The following EXPH5 variants were observed in gnomAD, a reference collection of about 807,000 sequenced individuals.
The protein encoded by EXPH5 is exophilin 5.
A neutral mutation model predicts 41.1 loss-of-function variants in EXPH5; 42 were observed. The observed-to-expected ratio is 1.02, with a 90% CI of 0.80 to 1.32. The LOEUF (loss-of-function observed/expected upper bound fraction) is 1.32, where lower values mean the gene tolerates loss of function less well. Among genes scored for constraint, EXPH5 ranks in the 40% most tolerant of loss-of-function variants. The pLI is 0.00. For synonymous variants in EXPH5, 798 were observed against 833.5 expected, an observed-to-expected ratio of 0.96 and a Z score of 0.73; for missense variants, 2,298 against 2,314.5, an observed-to-expected ratio of 0.99 and a Z score of 0.15.
At chr11:108,533,495 G>A (rs544716123) in intron 3 of EXPH5, among the ~76,000 whole-genome samples, 6 of 152,092 alleles carry the variant, frequency 3.9e-5, no homozygotes, top group African/African-American at 1.4e-4. Context: ...GAGCCACCTC[G>A]CCCGGCCTAC....
intron 4 of EXPH5, among the ~76,000 whole-genome samples, chr11:108,523,381 C>T (rs2093777667): frequency 2.0e-5 from 3 of 152,250 alleles, no homozygotes; most frequent in East Asian, 1.9e-4. Context: ...TACTCATACT[C>T]ATATGATCTG....
chr11:108,514,560 A>T lies in EXPH5; in HGVS notation c.947T>A (p.Phe316Tyr). The T allele has an allele frequency of 6.2e-7, 1 of 1,614,064 alleles. No individual in the cohort carries two copies. The highest frequency in any genetic ancestry group is 8.5e-7 in the Non-Finnish European group (1 of 1,179,982). The stretch of plus-strand genomic sequence containing the variant: ...GTCAAAACACAGCGAAGTACTGCCA[A>T]AAGTATTCTTTTGCACATAATCTTC... Reference protein sequence around the residue: ...FKEDYVQKNTFGSTSLCFDSR... With the variant: ...FKEDYVQKNTYGSTSLCFDSR... The change falls in exon 6 of 6, where the codon TTT becomes TAT. Residue 316 changes from phenylalanine (F) to tyrosine (Y), a missense_variant. By Grantham distance (22) the Phe-to-Tyr change is conservative. Coordinates refer to ENST00000265843, the MANE Select transcript of EXPH5 (RefSeq NM_015065.3).
At chr11:108,516,271 G>A (rs2093726418) in intron 5 of EXPH5, among the ~76,000 whole-genome samples, 1 of 152,024 alleles carries the variant, frequency 6.6e-6, no homozygotes, top group Admixed American at 6.6e-5. Context: ...GCCCCCTTAC[G>A]ATAACTGAAG....
intron 1 of EXPH5, among the ~76,000 whole-genome samples, chr11:108,571,608 G>A (rs908837492): frequency 6.6e-6 from 1 of 152,132 alleles, no homozygotes; most frequent in African/African-American, 2.4e-5. Context: ...AATGCTGAAG[G>A]GGAGCTCCCA....
intron 2 of EXPH5, among the ~76,000 whole-genome samples, chr11:108,541,220 A>T (rs140639305): frequency 6.6e-6 from 1 of 152,124 alleles, no homozygotes; most frequent in African/African-American, 2.4e-5. Context: ...AGCTTAATAC[A>T]TTATAAACAT....
At chr11:108,570,731 G>C (rs962209708) in intron 1 of EXPH5, among the ~76,000 whole-genome samples, 1 of 152,126 alleles carries the variant, frequency 6.6e-6, no homozygotes, top group Non-Finnish European at 1.5e-5. Context: ...ATTCTGCAGA[G>C]ATGGGGGTCT....
In EXPH5 at chr11:108,507,019, A is replaced by G. The variant is rs1950607608; in HGVS notation, c.*2518T>C. On this transcript the variant is annotated 3_prime_UTR_variant, in exon 6 of 6. Coordinates refer to ENST00000265843, the MANE Select transcript of EXPH5 (RefSeq NM_015065.3). Reference sequence around the variant, plus strand: ...GAAAATAATAATAATAATAATAATAATCAGATAAATAGAAAAAGAGGAAAG... The same window carrying G: ...GAAAATAATAATAATAATAATAATAGTCAGATAAATAGAAAAAGAGGAAAG... The G allele has an allele frequency of 6.6e-6, 1 of 151,734 alleles. No homozygotes were observed. Among genetic ancestry groups the G allele is most frequent in the Non-Finnish European group, 1.5e-5 (1 of 68,004 alleles). 9.4% of individuals were successfully genotyped at this position (151,734 alleles called of 1,614,324 possible). A position where few individuals can be genotyped will look rare whatever the true frequency, so the allele number is the denominator to read the frequency against.
intron 1 of EXPH5, among the ~76,000 whole-genome samples, chr11:108,566,381 A>T (rs1438142102): frequency 6.6e-6 from 1 of 152,070 alleles, no homozygotes; most frequent in African/African-American, 2.4e-5. Flanking sequence ...AAATGGGTGA[A>T]GGCTTTCATA....
At chr11:108,562,439 C>T (rs903878850) in intron 1 of EXPH5, among the ~76,000 whole-genome samples, 1 of 150,346 alleles carries the variant, frequency 6.7e-6, no homozygotes, top group Non-Finnish European at 1.5e-5. Context: ...TAAACAACAA[C>T]AAAAAAAAAG....
rs1436807760 is a variant in EXPH5 at position 108,513,493 on chromosome 11, C to T, written c.2014G>A (p.Val672Ile). 6.2e-7 allele frequency: 1 copy of T among 1,614,096 alleles called. No homozygotes were observed. ...ASHPMRSHTE[V>I]TVTSSNSVDS... Reference sequence around the variant, plus strand: ...ACTGAATTGCTGCTGGTCACAGTGACTTCTGTATGGCTTCTCATTGGATGA... The same window carrying T: ...ACTGAATTGCTGCTGGTCACAGTGATTTCTGTATGGCTTCTCATTGGATGA... The change falls in exon 6 of 6, where the codon GTC becomes ATC. Residue 672 changes from valine to isoleucine, a missense_variant. Transcript: ENST00000265843.
At chr11:108,572,709 C>T (rs913499184) in intron 1 of EXPH5, among the ~76,000 whole-genome samples, 2 of 152,034 alleles carry the variant, frequency 1.3e-5, no homozygotes, top group African/African-American at 2.4e-5. Flanking sequence ...CAGGCACCTG[C>T]CACCATGCCC....
intron 1 of EXPH5, among the ~76,000 whole-genome samples, chr11:108,548,732 A>T (rs765396143): frequency 2.6e-5 from 4 of 152,218 alleles, no homozygotes; most frequent in Non-Finnish European, 5.9e-5. Flanking sequence ...CAAGAGCCCT[A>T]TGAAGTATAG....
chr11:108,532,411 C>A (rs2093849483), intron 3 of EXPH5, among the ~76,000 whole-genome samples: 1 of 97,210 alleles, frequency 1.0e-5, no homozygotes, highest in Non-Finnish European at 1.9e-5. Context: ...GATGGGGTTT[C>A]ACTACGTTGG....
rs1288242906 is a variant in EXPH5, at chr11:108,511,674, A to T, written c.3833T>A (p.Leu1278His). ...LQQYTQNTNL[L>H]IESPQVETET... ...AGTCTCCACTTGAGGTGATTCTATAAGTAAATTAGTATTTTGTGTATACTG... is the reference window on the plus strand; with the variant it reads ...AGTCTCCACTTGAGGTGATTCTATATGTAAATTAGTATTTTGTGTATACTG... The change falls in exon 6 of 6, where the codon CTT becomes CAT. Residue 1278 changes from leucine to histidine, a missense_variant. Physicochemically the swap from Leu to His is moderately conservative, Grantham distance 99 (BLOSUM62 -3). Transcript: ENST00000265843. 3.1e-6 allele frequency: 5 copies of T among 1,603,264 alleles called. No homozygotes were observed. In the South Asian group the frequency reaches 5.7e-5, roughly 18 times the overall value.
chr11:108,526,938 T>C (rs2093803656), intron 4 of EXPH5, among the ~76,000 whole-genome samples: 1 of 152,156 alleles, frequency 6.6e-6, no homozygotes, highest in South Asian at 2.1e-4. Context: ...GTAGCAATTT[T>C]TAGTGCTGGT....
At chr11:108,543,330 T>C (rs1345310648) in intron 1 of EXPH5, among the ~76,000 whole-genome samples, 2 of 152,228 alleles carry the variant, frequency 1.3e-5, no homozygotes, top group African/African-American at 4.8e-5. Context: ...CATTTTGCTC[T>C]ATTTAAGGAA....
In EXPH5 at chr11:108,540,419, G is replaced by A. The variant is rs1029661806; in HGVS notation, c.280+1233C>T. 3.9e-5 allele frequency among the ~76,000 whole-genome samples: 6 copies of A among 152,230 alleles called. 1 individual carries two copies. The highest frequency in any genetic ancestry group is 1.4e-4 in the African/African-American group (6 of 41,556). ...AATATTAGGGGAATTTAGGACAAGGGAAAAGTCATCAGGGTATGTATGGGG... is the reference window on the plus strand; with the variant it reads ...AATATTAGGGGAATTTAGGACAAGGAAAAAGTCATCAGGGTATGTATGGGG... On this transcript the variant is annotated intron_variant, in intron 2 of 5. Transcript: ENST00000265843.
chr11:108,530,165 T>C (rs1194640392), intron 3 of EXPH5, among the ~76,000 whole-genome samples: 1 of 152,232 alleles, frequency 6.6e-6, no homozygotes, highest in Non-Finnish European at 1.5e-5. Context: ...AACTCTGAAA[T>C]ACTGGATCTA....
the EXPH5 span, among the ~76,000 whole-genome samples, chr11:108,602,238 T>C: frequency 6.6e-6 from 1 of 152,186 alleles, no homozygotes; most frequent in African/African-American, 2.4e-5. Flanking sequence ...CACTAATTCA[T>C]TTAGGGTTAT....
Sources: allele counts gnomAD v4.1 joint callset (sites outside exome capture counted in the v4.1 genomes callset), GRCh38; gene constraint gnomAD v4.1.1; transcripts MANE v1.5; gene names NCBI Gene and HGNC (gene_info 2026-07-23, HGNC 2026-07-21).